The following OR10K2 variants were observed in gnomAD, a reference collection of about 807,000 sequenced individuals.
OR10K2 encodes the protein olfactory receptor 10K2.
For synonymous variants in OR10K2, 169 were observed against 146.4 expected, an observed-to-expected ratio of 1.15 and a Z score of -1.11; for missense variants, 401 against 367.1, an observed-to-expected ratio of 1.09 and a Z score of -0.76.
chr1:158,419,611 AT>A lies in OR10K2; in HGVS notation c.*316del, dbSNP rs35350080. ...ACGGTTTGGAAAGAGCAGAATCAAG[AT>A]TTTTTTTTTTTTTTTTTTTTGAGAC... is the stretch of plus-strand genomic sequence containing the variant. On this transcript the variant is annotated 3_prime_UTR_variant, in exon 2 of 2. Transcript: ENST00000641042. 3,452 of 124,426 alleles carry A rather than the reference AT, an allele frequency of 0.028. 47 individuals carry two copies. The highest frequency in any genetic ancestry group is 0.089 in the African/African-American group (2,764 of 31,052). The allele number at this position is 124,426 out of a possible 1,614,324, so 7.7% of individuals were successfully genotyped here.
chr1:158,425,297 C>A (rs1655230959), intron 1 of OR10K2, among the ~76,000 whole-genome samples: 1 of 152,020 alleles, frequency 6.6e-6, no homozygotes. Flanking sequence ...AATTGAGCTT[C>A]AGAGAGTGCT....
rs539919637 is a variant in OR10K2 at position 158,419,714 on chromosome 1, G to C, written c.*214C>G. ...AACCTTCTGCCTCCTGGGTTCAAGT[G>C]ATTCTCCTGTCTCAGGCTCCTGAGT... On this transcript the variant is annotated 3_prime_UTR_variant, in exon 2 of 2. Transcript: ENST00000641042. 9.2e-6 allele frequency: 4 copies of C among 433,540 alleles called. No individual in the cohort carries two copies. Among genetic ancestry groups the C allele is most frequent in the Admixed American group, 3.6e-5 (1 of 27,412 alleles). 26.9% of individuals were successfully genotyped at this position (433,540 alleles called of 1,614,324 possible). A position where few individuals can be genotyped will look rare whatever the true frequency, so the allele number is the denominator to read the frequency against.
rs1046134211 is a variant in OR10K2, at chr1:158,418,561, A to G, written c.*1367T>C. The G allele has an allele frequency of 6.6e-6, 1 of 152,138 alleles. No individual in the cohort carries two copies. The highest frequency in any genetic ancestry group is 6.6e-5 in the Admixed American group (1 of 15,260). The allele number at this position is 152,138 out of a possible 1,614,324, so 9.4% of individuals were successfully genotyped here. A position where few individuals can be genotyped will look rare whatever the true frequency, so the allele number is the denominator to read the frequency against. On this transcript the variant is annotated 3_prime_UTR_variant, in exon 2 of 2. Transcript: ENST00000641042. ...AATGCAATTGACTTACATTCTTGGC[A>G]GATGTCCTACAATAAACAGGGCCTG...
In OR10K2 at chr1:158,419,072, C is replaced by A. The variant is rs977448956; in HGVS notation, c.*856G>T. ...TACAAAATTAGAAATGATCGTATTT[C>A]ATTAATACACTAGAAGCATGGAAAT... On this transcript the variant is annotated 3_prime_UTR_variant, in exon 2 of 2. Coordinates refer to ENST00000641042, the MANE Select transcript of OR10K2 (RefSeq NM_001004476.2). 3 of 153,790 alleles carry A rather than the reference C, an allele frequency of 2.0e-5. No homozygotes were observed. Among genetic ancestry groups the A allele is most frequent in the Admixed American group, 6.6e-5 (1 of 15,256 alleles). The allele number at this position is 153,790 out of a possible 1,614,324, so 9.5% of individuals were successfully genotyped here.
intron 1 of OR10K2, among the ~76,000 whole-genome samples, chr1:158,422,032 G>A (rs1056517629): frequency 2.0e-5 from 3 of 152,034 alleles, no homozygotes; most frequent in African/African-American, 7.2e-5. Context: ...GGTGAAAGGA[G>A]TTGTTTCTTC....
chr1:158,419,447 A>T lies in OR10K2; in HGVS notation c.*481T>A, dbSNP rs1225923960. The T allele has an allele frequency of 1.3e-5, 2 of 155,348 alleles. No individual in the cohort carries two copies. Among genetic ancestry groups the T allele is most frequent in the East Asian group, 3.9e-4 (2 of 5,182 alleles). The allele number at this position is 155,348 out of a possible 1,614,324, so 9.6% of individuals were successfully genotyped here. ...AAAAACCTTCAATAGGCAATAATTC[A>T]TGTGAGTGTGGCAAGCAGTTGTGTT... On this transcript the variant is annotated 3_prime_UTR_variant, in exon 2 of 2. Coordinates refer to ENST00000641042, the MANE Select transcript of OR10K2 (RefSeq NM_001004476.2).
At chr1:158,424,632 C>T (rs936459963) in intron 1 of OR10K2, among the ~76,000 whole-genome samples, 1 of 151,842 alleles carries the variant, frequency 6.6e-6, no homozygotes. Context: ...GTTTTTATTA[C>T]TTTTAATATC....
chr1:158,424,549 CTGTT>C (rs1385218290), intron 1 of OR10K2, among the ~76,000 whole-genome samples: 4 of 152,022 alleles, frequency 2.6e-5, no homozygotes. Context: ...ATCACATGCT[CTGTT>C]TGTTCTAGAT....
In OR10K2 at chr1:158,420,663, G is replaced by A. The variant is rs753634475; in HGVS notation, c.204C>T (p.Cys68=). 4.3e-6 allele frequency: 7 copies of A among 1,613,838 alleles called. No homozygotes were observed. The African/African-American group carries it at 6.7e-5, about 15-fold the overall frequency. Residue 68 remains cysteine (C), a synonymous_variant, in exon 2 of 2, where the codon TGC becomes TGT. Coordinates refer to ENST00000641042, the MANE Select transcript of OR10K2 (RefSeq NM_001004476.2). ...TGATGAAGGTGTAGCAAATCTCAGA[G>A]CAAGAGAGGATGGCAAGGAAGAAGT... ...PMYFFLAILS[C]SEICYTFIIV... is the part of the protein sequence containing the mutation.
Position 158,422,801 on chromosome 1 carries a change from C to T in OR10K2, c.-61-1874G>A, listed in dbSNP as rs193245798. On this transcript the variant is annotated intron_variant, in intron 1 of 1. Coordinates refer to ENST00000641042, the MANE Select transcript of OR10K2 (RefSeq NM_001004476.2). ...TACACATTTAAATAAGACCCAGTCC[C>T]GAGCCTCTAGTTCATGTTTCAAGGG... 1.5e-3 allele frequency among the ~76,000 whole-genome samples: 233 copies of T among 151,872 alleles called. 1 individual carries two copies. The highest frequency in any genetic ancestry group is 5.2e-3 in the African/African-American group (217 of 41,468).
chr1:158,422,428 T>G (rs1655173450), intron 1 of OR10K2, among the ~76,000 whole-genome samples: 1 of 152,060 alleles, frequency 6.6e-6, no homozygotes, highest in Non-Finnish European at 1.5e-5. Context: ...CTGGCCCATT[T>G]AAATCTGAAA....
At chr1:158,422,207 T>C (rs1433680660) in intron 1 of OR10K2, among the ~76,000 whole-genome samples, 1 of 152,152 alleles carries the variant, frequency 6.6e-6, no homozygotes, top group Non-Finnish European at 1.5e-5. Context: ...CCTCTGCATC[T>C]AGAACCATAT....
Position 158,420,388 on chromosome 1 carries a change from GTGA to G in OR10K2, c.476_478del (p.Ile159del). 1 of 1,613,902 alleles carries G rather than the reference GTGA, an allele frequency of 6.2e-7. No individual in the cohort carries two copies. The highest frequency in any genetic ancestry group is 8.5e-7 in the Non-Finnish European group (1 of 1,179,920). ...AAAAGGCAGGTGAAATACCAAGGATGTGATGATCTGTGCAACAGTGAAGCCACA... is the reference window on the plus strand; with the variant it reads ...AAAAGGCAGGTGAAATACCAAGGATGTGATCTGTGCAACAGTGAAGCCACA... On this transcript the variant is annotated inframe_deletion, in exon 2 of 2. Transcript: ENST00000641042.
At chr1:158,422,851 T>A (rs1216975017) in intron 1 of OR10K2, among the ~76,000 whole-genome samples, 1 of 151,984 alleles carries the variant, frequency 6.6e-6, no homozygotes, top group East Asian at 1.9e-4. Context: ...AAGATATTAT[T>A]AAAAATGTGG....
rs1338277535 is a variant in OR10K2 at position 158,419,212 on chromosome 1, G to A, written c.*716C>T. On this transcript the variant is annotated 3_prime_UTR_variant, in exon 2 of 2. Transcript: ENST00000641042. The stretch of plus-strand genomic sequence containing the variant: ...TTAACAATTGTGATCTGATGATTTT[G>A]GAAGACTGAGGTCCAGAAAACATCT... 4 of 154,662 alleles carry A rather than the reference G, an allele frequency of 2.6e-5. No individual in the cohort carries two copies. The Admixed American group carries it at 2.6e-4, about 10-fold the overall frequency. The allele number at this position is 154,662 out of a possible 1,614,324, so 9.6% of individuals were successfully genotyped here. A position where few individuals can be genotyped will look rare whatever the true frequency, so the allele number is the denominator to read the frequency against.
intron 1 of OR10K2, among the ~76,000 whole-genome samples, chr1:158,423,439 G>C (rs764388445): frequency 7.2e-5 from 11 of 151,748 alleles, no homozygotes; most frequent in Non-Finnish European, 1.6e-4. Flanking sequence ...CCTGACTCTG[G>C]CAAGTTCTAG....
At chr1:158,423,353 C>T (rs1655194289) in intron 1 of OR10K2, among the ~76,000 whole-genome samples, 1 of 151,534 alleles carries the variant, frequency 6.6e-6, no homozygotes, top group Non-Finnish European at 1.5e-5. Context: ...TGAAATTTTC[C>T]TCTCACAAGC....
In OR10K2 at chr1:158,418,989, C is replaced by T. The variant is rs868496229; in HGVS notation, c.*939G>A. 1 of 152,072 alleles carries T rather than the reference C, an allele frequency of 6.6e-6. No homozygotes were observed. The highest frequency in any genetic ancestry group is 2.4e-5 in the African/African-American group (1 of 41,428). The allele number at this position is 152,072 out of a possible 1,614,324, so 9.4% of individuals were successfully genotyped here. On this transcript the variant is annotated 3_prime_UTR_variant, in exon 2 of 2. Coordinates refer to ENST00000641042, the MANE Select transcript of OR10K2 (RefSeq NM_001004476.2). ...GTGATTTTAGGTCTTGTCATTAATC[C>T]ATTCCCCTGTGAATATCTTCAGGGT...
rs369463112 is a variant in OR10K2 at position 158,419,966 on chromosome 1, G to A, written c.901C>T (p.Leu301Phe). Residue 301 changes from leucine to phenylalanine, a missense_variant, in exon 2 of 2, where the codon CTT becomes TTT. Transcript: ENST00000641042. ...SLRNKEFKSA[L>F]CKIVRRTISL... ...ATTGTTCTTCTCACAATTTTACAAA[G>A]AGCTGATTTGAACTCTTTATTTCTC... 7.4e-6 allele frequency: 12 copies of A among 1,612,092 alleles called. No homozygotes were observed. The highest frequency in any genetic ancestry group is 2.7e-5 in the African/African-American group (2 of 74,792).
Sources: gnomAD v4.1 joint callset for allele counts (sites outside exome capture counted in the v4.1 genomes callset) on GRCh38, gnomAD v4.1.1 for gene constraint, MANE v1.5 for transcripts, NCBI Gene and HGNC (gene_info 2026-07-23, HGNC 2026-07-21) for gene names.